SOX5: variants seen among roughly 807,000 people sequenced by gnomAD.
SOX5 encodes SRY-box transcription factor 5.
A neutral mutation model predicts 92.0 loss-of-function variants in SOX5; 9 were observed. The observed-to-expected ratio is 0.10, with a 90% CI of 0.06 to 0.17. The LOEUF is 0.17. Ranked by LOEUF, SOX5 falls within the 10% of genes least tolerant of loss-of-function variation. SOX5 has a pLI of 1.00. For synonymous variants in SOX5, 344 were observed against 336.3 expected (o/e 1.02, Z -0.25); for missense variants, 642 against 944.5 (o/e 0.68, Z 4.20).
Position 24,102,821 on chromosome 12 carries a change from T to G in SOX5, c.-2+110522A>C, listed in dbSNP as rs75892276. On this transcript the variant is annotated intron_variant, in intron 4 of 4. Transcript: ENST00000446891. The stretch of plus-strand genomic sequence containing the variant: ...GGCAGTGGCTACTAATTTTTTCATC[T>G]GTGCATTTTGTTTTATTATGTTAGA... Among the ~76,000 whole-genome samples, 921 of 152,384 alleles carry G rather than the reference T, an allele frequency of 6.0e-3. 7 individuals are homozygous for G. The highest frequency in any genetic ancestry group is 0.033 in the South Asian group (160 of 4,834).
chr12:23,859,414 T>C (rs974425509), intron 2 of SOX5, among the ~76,000 whole-genome samples: 2 of 152,196 alleles, frequency 1.3e-5, no homozygotes, highest in African/African-American at 4.8e-5. Flanking sequence ...TGCAGTGCCC[T>C]TCAGGCTTAC....
intron 1 of SOX5, among the ~76,000 whole-genome samples, chr12:24,412,478 T>C (rs1235132597): frequency 1.3e-5 from 2 of 152,136 alleles, no homozygotes; most frequent in African/African-American, 4.8e-5. Flanking sequence ...TTACGTGTTC[T>C]ATTTTTATTG....
intron 4 of SOX5, among the ~76,000 whole-genome samples, chr12:23,987,831 T>C (rs996606921): frequency 6.6e-6 from 1 of 152,050 alleles, no homozygotes; most frequent in Non-Finnish European, 1.5e-5. Flanking sequence ...AGACACATGG[T>C]AAAATAGATG....
intron 10 of SOX5, among the ~76,000 whole-genome samples, chr12:23,568,415 C>A (rs892077606): frequency 6.6e-6 from 1 of 152,172 alleles, no homozygotes; most frequent in Non-Finnish European, 1.5e-5. Context: ...CAATATGCCA[C>A]CCTTGGTCTT....
chr12:24,502,563 A>G (rs973800191), intron 1 of SOX5, among the ~76,000 whole-genome samples: 1 of 152,214 alleles, frequency 6.6e-6, no homozygotes, highest in African/African-American at 2.4e-5. Context: ...AATAAATGTA[A>G]GATAAAAGGG....
intron 3 of SOX5, among the ~76,000 whole-genome samples, chr12:23,761,657 ATACT>A (rs1167778096): frequency 2.8e-4 from 43 of 152,152 alleles, no homozygotes; most frequent in Non-Finnish European, 5.1e-4. Context: ...AGTATATCAC[ATACT>A]ACCACAAAGT....
Position 23,665,461 on chromosome 12 carries a change from C to T in SOX5, c.914G>A (p.Ser305Asn), listed in dbSNP as rs778494618. 6.2e-7 allele frequency: 1 copy of T among 1,613,434 alleles called. No homozygotes were observed. The highest frequency in any genetic ancestry group is 8.5e-7 in the Non-Finnish European group (1 of 1,179,598). Reference sequence around the variant, plus strand: ...GTACTTACTACATCCAGCCTTATAGCTGAAGCCTGGAGGGAGGAGGAATCC... The same window carrying T: ...GTACTTACTACATCCAGCCTTATAGTTGAAGCCTGGAGGGAGGAGGAATCC... ...QQGFLLPPGF[S>N]YKAGCSDPYP... Residue 305 changes from serine to asparagine, a missense_variant, in exon 7 of 15, where the codon AGC (serine) becomes AAC (asparagine). By Grantham distance (46) the Ser-to-Asn change is conservative. Around this residue, in one of 8 missense-constraint regions of SOX5, gnomAD observed 324 missense variants for 461.6 expected, o/e 0.70. Transcript: ENST00000451604.
chr12:24,432,948 G>A (rs987482935), intron 1 of SOX5, among the ~76,000 whole-genome samples: 5 of 152,052 alleles, frequency 3.3e-5, no homozygotes, highest in East Asian at 1.9e-4. Flanking sequence ...TGCATGTAAC[G>A]GTGGCTATTT....
At chr12:24,017,056 T>C (rs2136624158) in intron 4 of SOX5, among the ~76,000 whole-genome samples, 1 of 152,330 alleles carries the variant, frequency 6.6e-6, no homozygotes, top group Admixed American at 6.5e-5. Flanking sequence ...CTGTATACAG[T>C]GTTGGGACAA....
intron 1 of SOX5, among the ~76,000 whole-genome samples, chr12:24,531,621 T>G (rs1165768716): frequency 6.6e-6 from 1 of 152,198 alleles, no homozygotes; most frequent in Non-Finnish European, 1.5e-5. Context: ...TTGCTACTAG[T>G]GCTTAAAATA....
chr12:24,263,982 T>G (rs1180663590), intron 3 of SOX5, among the ~76,000 whole-genome samples: 5 of 152,230 alleles, frequency 3.3e-5, no homozygotes, highest in Admixed American at 3.3e-4. Flanking sequence ...CCAAAAACTT[T>G]TTACACCAGA....
intron 1 of SOX5, among the ~76,000 whole-genome samples, chr12:24,430,987 C>T (rs1432176486): frequency 6.6e-6 from 1 of 152,078 alleles, no homozygotes; most frequent in African/African-American, 2.4e-5. Flanking sequence ...GGAATGTAAC[C>T]AAAATTCAGC....
At chr12:23,625,184 A>G (rs972505548) in intron 8 of SOX5, among the ~76,000 whole-genome samples, 1 of 152,190 alleles carries the variant, frequency 6.6e-6, no homozygotes, top group Admixed American at 6.5e-5. Flanking sequence ...TAAGAAACCA[A>G]TTGTGTAGTA....
At chr12:23,762,388 A>C (rs1207940010) in intron 3 of SOX5, 1 of 372,396 alleles carries the variant, frequency 2.7e-6, no homozygotes, top group Non-Finnish European at 4.8e-6. Context: ...CTGCCTGGGC[A>C]ATGTAGCAAG....
At chr12:24,210,318 C>T (rs1328367036) in intron 4 of SOX5, among the ~76,000 whole-genome samples, 1 of 152,114 alleles carries the variant, frequency 6.6e-6, no homozygotes, top group Non-Finnish European at 1.5e-5. Flanking sequence ...AGGAGGCAAA[C>T]AGAGGTCAAA....
chr12:23,592,626 A>G lies in SOX5; in HGVS notation c.1164+11761T>C, dbSNP rs16926438. 8.6e-3 allele frequency among the ~76,000 whole-genome samples: 1,316 copies of G among 152,320 alleles called. 20 individuals are homozygous for G. Among genetic ancestry groups the G allele is most frequent in the African/African-American group, 0.029 (1,185 of 41,576 alleles). On this transcript the variant is annotated intron_variant, in intron 9 of 14. Transcript: ENST00000451604. Reference sequence around the variant, plus strand: ...TAGAAACTTTTATTTTTCAAGCAGCAGTCTGATAATCAGTTTCTTAGCAAT... The same window carrying G: ...TAGAAACTTTTATTTTTCAAGCAGCGGTCTGATAATCAGTTTCTTAGCAAT...
chr12:23,779,785 T>TG (rs2095223668), intron 3 of SOX5, among the ~76,000 whole-genome samples: 1 of 85,374 alleles, frequency 1.2e-5, no homozygotes, highest in African/African-American at 5.6e-5. Flanking sequence ...TTTCACAGAT[T>TG]AAAATATATA....
At chr12:24,120,003 C>G (rs1038709266) in intron 4 of SOX5, among the ~76,000 whole-genome samples, 9 of 152,154 alleles carry the variant, frequency 5.9e-5, no homozygotes, top group Non-Finnish European at 1.2e-4. Context: ...AGTTGTAGAT[C>G]ACACATTTTT....
chr12:24,074,891 T>G (rs1330387090), intron 4 of SOX5, among the ~76,000 whole-genome samples: 1 of 150,518 alleles, frequency 6.6e-6, no homozygotes, highest in African/African-American at 2.4e-5. Flanking sequence ...TTTTTTTGTT[T>G]GTTTGTTTTA....
Sources: gnomAD v4.1 joint callset for allele counts (sites outside exome capture counted in the v4.1 genomes callset) on GRCh38, gnomAD v4.1.1 for gene constraint, gnomAD v4.1.1 regional missense constraint, MANE v1.5 for transcripts, NCBI Gene and HGNC (gene_info 2026-07-23, HGNC 2026-07-21) for gene names.